The following SLF2 variants were observed in gnomAD, a reference collection of about 807,000 sequenced individuals.
The protein encoded by SLF2 is SMC5/6 complex localization factor 2.
A neutral mutation model predicts 124.3 loss-of-function variants in SLF2; 68 were observed. That is an observed-to-expected ratio of 0.55 (90% CI 0.45 to 0.67). SLF2 has a LOEUF of 0.67. Ranked by LOEUF, SLF2 falls within the 30% of genes least tolerant of loss-of-function variation. The pLI is 0.00. For synonymous variants in SLF2, 480 were observed against 478.8 expected (o/e 1.00, Z -0.03); for missense variants, 1,246 against 1,373.7 (o/e 0.91, Z 1.47).
chr10:100,913,032 G>C lies in SLF2; in HGVS notation c.-79G>C, dbSNP rs898694585. On this transcript the variant is annotated 5_prime_UTR_variant, in exon 1 of 20. Transcript: ENST00000238961. Reference sequence around the variant, plus strand: ...CCACCTCTGCTCCGACAGCCTCCCGGAGTCCCAGCAGCAAGACGGCAACCA... The same window carrying C: ...CCACCTCTGCTCCGACAGCCTCCCGCAGTCCCAGCAGCAAGACGGCAACCA... 4 of 1,510,870 alleles carry C rather than the reference G, an allele frequency of 2.6e-6. No individual in the cohort carries two copies. The highest frequency in any genetic ancestry group is 3.6e-6 in the Non-Finnish European group (4 of 1,106,470). 93.6% of individuals were successfully genotyped at this position (1,510,870 alleles called of 1,614,324 possible).
intron 1 of SLF2, among the ~76,000 whole-genome samples, chr10:100,915,395 G>C: frequency 6.6e-6 from 1 of 152,028 alleles, no homozygotes; most frequent in South Asian, 2.1e-4. Context: ...TTCTGCCCTT[G>C]TCCAGCAAAC....
chr10:100,917,288 T>G lies in SLF2; in HGVS notation c.903T>G (p.Asn301Lys). The G allele has an allele frequency of 1.2e-6, 2 of 1,609,572 alleles. No individual in the cohort carries two copies. The highest frequency in any genetic ancestry group is 1.7e-6 in the Non-Finnish European group (2 of 1,178,640). ...ATGACATCATACCTGGAAAAAATAA[T>G]CTGTCAAATGTGGTATGTGTAAGAA... is the stretch of plus-strand genomic sequence containing the variant. ...KQNDIIPGKN[N>K]LSNVENGHLS... The change falls in exon 3 of 20, where the codon AAT (asparagine) becomes AAG (lysine). Residue 301 changes from asparagine to lysine, a missense_variant. Asn to Lys is a moderately conservative substitution (Grantham distance 94, BLOSUM62 0). Transcript: ENST00000238961.
chr10:100,945,041 G>C (rs1228922118), intron 12 of SLF2, among the ~76,000 whole-genome samples: 2 of 148,544 alleles, frequency 1.3e-5, no homozygotes, highest in Non-Finnish European at 3.0e-5. Flanking sequence ...AAAAAAAGAA[G>C]ATAAAAAAAA....
chr10:100,929,819 T>C lies in SLF2; in HGVS notation c.2166-11T>C. 1 of 1,564,700 alleles carries C rather than the reference T, an allele frequency of 6.4e-7. No individual in the cohort carries two copies. Among genetic ancestry groups the C allele is most frequent in the Non-Finnish European group, 8.6e-7 (1 of 1,158,724 alleles). On this transcript the variant is annotated splice_polypyrimidine_tract_variant and intron_variant, in intron 7 of 19. Transcript: ENST00000238961. Reference sequence around the variant, plus strand: ...ACAATTTGGTATTGATTGACTTTTTTTATGTTTCAGGGAATTTCTAAAGAA... The same window carrying C: ...ACAATTTGGTATTGATTGACTTTTTCTATGTTTCAGGGAATTTCTAAAGAA...
At chr10:100,915,070 G>A (rs2133745531) in intron 1 of SLF2, among the ~76,000 whole-genome samples, 1 of 152,290 alleles carries the variant, frequency 6.6e-6, no homozygotes, top group East Asian at 1.9e-4. Flanking sequence ...ACGAATTCTG[G>A]TAATGGATTC....
intron 6 of SLF2, among the ~76,000 whole-genome samples, chr10:100,928,343 A>G (rs537950848): frequency 5.8e-4 from 88 of 152,260 alleles, no homozygotes; most frequent in African/African-American, 2.1e-3. Flanking sequence ...TTAGTAGTTC[A>G]AAAGCTTCCC....
intron 5 of SLF2, 132 bp from the exon 6 acceptor site, chr10:100,925,817 C>CT (rs1422986968): frequency 8.1e-6 from 7 of 867,920 alleles, no homozygotes; most frequent in Non-Finnish European, 1.2e-5. Flanking sequence ...GAAAATTATC[C>CT]TTTAAGAAAG....
chr10:100,934,451 A>G (rs1179145215), intron 9 of SLF2, among the ~76,000 whole-genome samples: 1 of 152,154 alleles, frequency 6.6e-6, no homozygotes, highest in Non-Finnish European at 1.5e-5. Context: ...ATGTCTGTGA[A>G]TGGTGTTGCC....
intron 19 of SLF2, among the ~76,000 whole-genome samples, chr10:100,961,301 C>T (rs543705472): frequency 1.3e-4 from 20 of 152,206 alleles, no homozygotes; most frequent in African/African-American, 4.8e-4. Context: ...TGAGCCACCG[C>T]GCCTGGCTGA....
At position 100,945,506 on chromosome 10, in the gene SLF2, G is replaced by T; in HGVS notation, c.2934G>T (p.Lys978Asn). Residue 978 changes from lysine to asparagine, a missense_variant and splice_region_variant, in exon 13 of 20, where the codon AAG (lysine) becomes AAT (asparagine). Transcript: ENST00000238961. The stretch of plus-strand genomic sequence containing the variant: ...AAAACATCAGAGATTGGAACACAAA[G>T]GTAATGTTACTTAAAACTTCATTAT... ...LMKNIRDWNT[K>N]VPELCLGINE... is the part of the protein sequence containing the mutation. 1 of 1,540,704 alleles carries T rather than the reference G, an allele frequency of 6.5e-7. No homozygotes were observed. The highest frequency in any genetic ancestry group is 8.7e-7 in the Non-Finnish European group (1 of 1,155,878).
chr10:100,928,079 C>CAGAGAG (rs71013474), intron 6 of SLF2, among the ~76,000 whole-genome samples: 3,458 of 112,952 alleles, frequency 0.031, 199 homozygotes, highest in African/African-American at 0.11. Context: ...GAGAGAGAGA[C>CAGAGAG]AGAGAGAGAG....
At chr10:100,914,393 A>G (rs922074515) in intron 1 of SLF2, among the ~76,000 whole-genome samples, 3 of 152,182 alleles carry the variant, frequency 2.0e-5, no homozygotes, top group Admixed American at 6.5e-5. Flanking sequence ...CTTGAAAGTT[A>G]CATTCATGGT....
Position 100,949,302 on chromosome 10 carries a change from T to C in SLF2, c.3121-774T>C, listed in dbSNP as rs768915597. 4.3e-4 allele frequency among the ~76,000 whole-genome samples: 65 copies of C among 152,256 alleles called. 1 individual carries two copies. The highest frequency in any genetic ancestry group is 4.4e-5 in the Non-Finnish European group (3 of 68,050). ...TACCATTTCTCCTAACTTTTGTTGTTCTGTTACTTTTTCCTTTTTTGCCCA... is the reference window on the plus strand; with the variant it reads ...TACCATTTCTCCTAACTTTTGTTGTCCTGTTACTTTTTCCTTTTTTGCCCA... On this transcript the variant is annotated intron_variant, in intron 15 of 19. Transcript: ENST00000238961.
chr10:100,918,813 G>C (rs537415905), intron 4 of SLF2, among the ~76,000 whole-genome samples: 1 of 152,002 alleles, frequency 6.6e-6, no homozygotes, highest in South Asian at 2.1e-4. Flanking sequence ...TTGTAGAGAC[G>C]AGGTTTCGCC....
intron 9 of SLF2, 147 bp downstream of exon 9, chr10:100,931,225 A>G (rs2133783568): frequency 1.6e-6 from 1 of 645,116 alleles, no homozygotes; most frequent in South Asian, 2.0e-5. Flanking sequence ...TAGCAAAAAG[A>G]GTCAATATAA....
Position 100,916,579 on chromosome 10 carries a change from T to A in SLF2, c.194T>A (p.Met65Lys). 7.2e-7 allele frequency: 1 copy of A among 1,388,134 alleles called. No homozygotes were observed. The highest frequency in any genetic ancestry group is 9.4e-7 in the Non-Finnish European group (1 of 1,065,336). 86.0% of individuals were successfully genotyped at this position (1,388,134 alleles called of 1,614,324 possible). The change falls in exon 3 of 20, where the codon ATG (methionine) becomes AAG (lysine). Residue 65 changes from methionine to lysine, a missense_variant. Met to Lys is a moderately conservative substitution (Grantham distance 95). Around this residue, in one of 3 missense-constraint regions of SLF2, gnomAD observed 698 missense variants for 708.9 expected, o/e 0.98. Coordinates refer to ENST00000238961, the MANE Select transcript of SLF2 (RefSeq NM_018121.4). ...FKPASKQDRH[M>K]LDSPQKSNIK... ...TTAATTGGCTATTTAGACAGACACA[T>A]GTTGGATTCACCACAAAAATCAAAC... is the stretch of plus-strand genomic sequence containing the variant.
chr10:100,928,282 A>G (rs1033334907), intron 6 of SLF2, among the ~76,000 whole-genome samples: 1 of 152,160 alleles, frequency 6.6e-6, no homozygotes, highest in African/African-American at 2.4e-5. Flanking sequence ...TATGTGCTAC[A>G]TATCTCAAAC....
chr10:100,955,433 AT>A (rs1222233071), intron 17 of SLF2, among the ~76,000 whole-genome samples: 2 of 152,136 alleles, frequency 1.3e-5, no homozygotes, highest in Non-Finnish European at 2.9e-5. Context: ...TAATACATTC[AT>A]AAGATACCAA....
chr10:100,922,692 C>T (rs1849543056), intron 4 of SLF2, among the ~76,000 whole-genome samples: 1 of 151,788 alleles, frequency 6.6e-6, no homozygotes, highest in Non-Finnish European at 1.5e-5. Context: ...GTCTTGAACT[C>T]CTGGGCTCAA....
Sources: allele counts gnomAD v4.1 joint callset (sites outside exome capture counted in the v4.1 genomes callset), GRCh38; gene constraint gnomAD v4.1.1; regional missense constraint gnomAD v4.1.1; transcripts MANE v1.5; gene names NCBI Gene and HGNC (gene_info 2026-07-23, HGNC 2026-07-21).